NELL1: variants seen among roughly 807,000 people sequenced by gnomAD.
The protein encoded by NELL1 is protein kinase C-binding protein NELL1.
In NELL1, 76 loss-of-function variants were observed where a neutral mutation model predicts 107.4. That is an observed-to-expected ratio of 0.71 (90% CI 0.59 to 0.86). NELL1 has a LOEUF of 0.86. Among genes scored for constraint, NELL1 ranks in the 40% least tolerant of loss-of-function variants. The pLI, the probability that NELL1 is intolerant of heterozygous loss-of-function variation, is 0.00. For synonymous variants in NELL1, 353 were observed against 341.2 expected (o/e 1.03, Z -0.38); for missense variants, 1,024 against 1,005.5 (o/e 1.02, Z -0.25).
intron 12 of NELL1, among the ~76,000 whole-genome samples, chr11:20,988,607 CT>C (rs906224990): frequency 3.6e-4 from 52 of 143,786 alleles, no homozygotes; most frequent in East Asian, 4.1e-4. Flanking sequence ...TTGTTCTTTT[CT>C]TTTTTTTTTT....
chr11:21,512,198 A>C (rs888328357), intron 15 of NELL1, among the ~76,000 whole-genome samples: 3 of 152,122 alleles, frequency 2.0e-5, no homozygotes, highest in South Asian at 2.1e-4. Flanking sequence ...TATTGAGCAC[A>C]TGGGGCCCAT....
intron 3 of NELL1, among the ~76,000 whole-genome samples, chr11:20,813,695 G>GA (rs1857555768): frequency 6.6e-6 from 1 of 152,168 alleles, no homozygotes; most frequent in Admixed American, 6.5e-5. Context: ...AAGAGAAAAT[G>GA]AATTCATTTT....
At chr11:20,780,878 G>A (rs1856837755) in intron 2 of NELL1, among the ~76,000 whole-genome samples, 1 of 152,152 alleles carries the variant, frequency 6.6e-6, no homozygotes, top group South Asian at 2.1e-4. Flanking sequence ...AGAAGAGTGT[G>A]AATGGGGTGG....
chr11:21,258,626 A>C (rs2133919498), intron 14 of NELL1, among the ~76,000 whole-genome samples: 1 of 151,996 alleles, frequency 6.6e-6, no homozygotes, highest in East Asian at 1.9e-4. Context: ...TGGCCCACCT[A>C]GGTAATGGAG....
At chr11:20,774,117 TCTCC>T (rs1856699060) in intron 2 of NELL1, among the ~76,000 whole-genome samples, 1 of 11,800 alleles carries the variant, frequency 8.5e-5, no homozygotes. Context: ...TCCCTTCCTT[TCTCC>T]CTCCCTCCCT....
At chr11:21,384,392 T>G (rs1413535071) in intron 15 of NELL1, among the ~76,000 whole-genome samples, 1 of 152,022 alleles carries the variant, frequency 6.6e-6, no homozygotes, top group African/African-American at 2.4e-5. Context: ...CCCTCACTTT[T>G]TATCCCCTTT....
At position 21,294,939 on chromosome 11, in the gene NELL1, T is replaced by C. The variant is rs539973385; in HGVS notation, c.1549+65485T>C. Among the ~76,000 whole-genome samples the C allele has an allele frequency of 2.0e-5, 3 of 152,158 alleles. No individual in the cohort carries two copies. In the East Asian group the frequency reaches 5.8e-4, roughly 29 times the overall value. ...CTGAAGCCCAAGAAGGCAAAGTCAG[T>C]TGCCTCAATCTCACAACTACTACAT... On this transcript the variant is annotated intron_variant, in intron 14 of 19. Transcript: ENST00000357134.
At chr11:21,029,640 A>G (rs1033817924) in intron 12 of NELL1, among the ~76,000 whole-genome samples, 2 of 152,148 alleles carry the variant, frequency 1.3e-5, no homozygotes, top group Non-Finnish European at 2.9e-5. Context: ...GATTTTCCAA[A>G]CATTTTTTCC....
chr11:21,333,443 T>C (rs914916215), intron 14 of NELL1, among the ~76,000 whole-genome samples: 1 of 152,114 alleles, frequency 6.6e-6, no homozygotes, highest in Non-Finnish European at 1.5e-5. Context: ...AAGATGAAGA[T>C]GCAGTTTGAG....
At chr11:21,297,815 G>T (rs1849404972) in intron 14 of NELL1, among the ~76,000 whole-genome samples, 1 of 151,914 alleles carries the variant, frequency 6.6e-6, no homozygotes, top group Non-Finnish European at 1.5e-5. Flanking sequence ...ACAGAGGCGG[G>T]GAAGGGAAAT....
At chr11:21,152,910 C>T (rs976886516) in intron 13 of NELL1, among the ~76,000 whole-genome samples, 1 of 152,044 alleles carries the variant, frequency 6.6e-6, no homozygotes, top group Non-Finnish European at 1.5e-5. Flanking sequence ...TGTTTTTCTG[C>T]ATTTACATTG....
At chr11:21,108,474 C>A (rs374272476) in intron 12 of NELL1, among the ~76,000 whole-genome samples, 14 of 152,018 alleles carry the variant, frequency 9.2e-5, no homozygotes, top group Non-Finnish European at 1.9e-4. Context: ...CCTCAAAAGA[C>A]CACCAGAAAA....
At chr11:20,790,352 G>T (rs1234933635) in intron 3 of NELL1, among the ~76,000 whole-genome samples, 1 of 152,234 alleles carries the variant, frequency 6.6e-6, no homozygotes, top group African/African-American at 2.4e-5. Flanking sequence ...TGTCAGCACT[G>T]CCCTGAGTAT....
At chr11:21,157,149 G>A (rs200332789) in intron 13 of NELL1, among the ~76,000 whole-genome samples, 1 of 147,528 alleles carries the variant, frequency 6.8e-6, no homozygotes, top group Non-Finnish European at 1.5e-5. Flanking sequence ...GAATGTGTAT[G>A]TATATATATA....
chr11:21,300,792 C>T (rs564890886), intron 14 of NELL1, among the ~76,000 whole-genome samples: 14 of 152,030 alleles, frequency 9.2e-5, no homozygotes, highest in African/African-American at 3.1e-4. Context: ...CTAGGGTACA[C>T]GGGCACAACG....
chr11:21,449,521 AT>A (rs1425225323), intron 15 of NELL1, among the ~76,000 whole-genome samples: 1 of 151,762 alleles, frequency 6.6e-6, no homozygotes, highest in Non-Finnish European at 1.5e-5. Flanking sequence ...TTGTCTTTTT[AT>A]TTTTAACAGT....
chr11:20,682,592 A>G (rs1207286146), intron 2 of NELL1, among the ~76,000 whole-genome samples: 2 of 150,540 alleles, frequency 1.3e-5, no homozygotes, highest in African/African-American at 5.0e-5. Flanking sequence ...TTGAGGTATA[A>G]TTATATTATA....
intron 14 of NELL1, chr11:21,284,382 G>A (rs977286256): frequency 1.3e-5 from 6 of 457,026 alleles, no homozygotes; most frequent in Admixed American, 2.3e-5. Flanking sequence ...AAGTCTTTGT[G>A]CATTGCTGAA....
intron 15 of NELL1, among the ~76,000 whole-genome samples, chr11:21,485,252 A>T (rs1854595491): frequency 6.6e-6 from 1 of 152,092 alleles, no homozygotes; most frequent in Non-Finnish European, 1.5e-5. Context: ...AAAGACTACC[A>T]AGGAGAAAGA....
Sources: gnomAD v4.1 joint callset for allele counts (sites outside exome capture counted in the v4.1 genomes callset) on GRCh38, gnomAD v4.1.1 for gene constraint, MANE v1.5 for transcripts, NCBI Gene and HGNC (gene_info 2026-07-23, HGNC 2026-07-21) for gene names.